RYK: variants seen among roughly 807,000 people sequenced by gnomAD.
The protein encoded by RYK is receptor like tyrosine kinase, also known as inactive tyrosine-protein kinase RYK.
A neutral mutation model predicts 70.2 loss-of-function variants in RYK; 21 were observed. The observed-to-expected ratio is 0.30, with a 90% CI of 0.21 to 0.43. The LOEUF (loss-of-function observed/expected upper bound fraction) is 0.43. RYK is among the 20% of genes least tolerant of loss of function. RYK has a pLI of 1.00. For synonymous variants in RYK, 267 were observed against 278.0 expected, an observed-to-expected ratio of 0.96 and a Z score of 0.39; for missense variants, 604 against 753.3, an observed-to-expected ratio of 0.80 and a Z score of 2.32.
At chr3:134,206,073 A>C (rs2014203899) in intron 5 of RYK, among the ~76,000 whole-genome samples, 1 of 152,210 alleles carries the variant, frequency 6.6e-6, no homozygotes, top group Non-Finnish European at 1.5e-5. Flanking sequence ...TTTAAAAGTA[A>C]ACTTTGGCAA....
chr3:134,184,034 C>A (rs2013384837), intron 9 of RYK, among the ~76,000 whole-genome samples: 1 of 152,082 alleles, frequency 6.6e-6, no homozygotes, highest in South Asian at 2.1e-4. Context: ...ACTTCCTAAC[C>A]TAACAAACAT....
chr3:134,180,883 A>G (rs556146001), intron 10 of RYK: 1 of 152,348 alleles, frequency 6.6e-6, no homozygotes, highest in South Asian at 2.1e-4. Flanking sequence ...AATGCTCAGT[A>G]TCAAATAACC....
intron 2 of RYK, among the ~76,000 whole-genome samples, chr3:134,222,140 G>A (rs533877264): frequency 1.3e-5 from 2 of 152,294 alleles, no homozygotes; most frequent in East Asian, 3.9e-4. Context: ...CCCTTTTCAA[G>A]CTAGGTCTGG....
intron 1 of RYK, among the ~76,000 whole-genome samples, chr3:134,240,061 T>C (rs934340141): frequency 6.6e-6 from 1 of 152,232 alleles, no homozygotes; most frequent in Non-Finnish European, 1.5e-5. Flanking sequence ...AGTCTCTACA[T>C]ATACATTTAC....
intron 1 of RYK, among the ~76,000 whole-genome samples, chr3:134,233,743 G>A (rs1022849962): frequency 1.3e-5 from 2 of 152,104 alleles, no homozygotes; most frequent in Non-Finnish European, 2.9e-5. Context: ...AGGTTTTAAT[G>A]ACCAAATAAG....
intron 10 of RYK, chr3:134,180,049 A>G (rs2013243106): frequency 6.6e-6 from 1 of 152,152 alleles, no homozygotes; most frequent in South Asian, 2.1e-4. Flanking sequence ...AGGAGATGCT[A>G]TAGTGAAGAA....
chr3:134,206,522 A>G (rs1231443660), intron 5 of RYK, among the ~76,000 whole-genome samples: 1 of 152,202 alleles, frequency 6.6e-6, no homozygotes, highest in Non-Finnish European at 1.5e-5. Flanking sequence ...GGAAAAAAAG[A>G]CATTTTAAAG....
intron 9 of RYK, among the ~76,000 whole-genome samples, chr3:134,184,512 C>T (rs2013400128): frequency 6.6e-6 from 1 of 152,086 alleles, no homozygotes. Context: ...TGTAATACCA[C>T]CACTTTGGGA....
chr3:134,227,394 T>C (rs949709163), intron 1 of RYK, among the ~76,000 whole-genome samples: 2 of 152,144 alleles, frequency 1.3e-5, no homozygotes, highest in African/African-American at 2.4e-5. Flanking sequence ...AAAATCTCAA[T>C]AGATTTTTTT....
intron 1 of RYK, among the ~76,000 whole-genome samples, chr3:134,240,665 T>C (rs1047677126): frequency 1.3e-5 from 2 of 152,224 alleles, no homozygotes; most frequent in African/African-American, 4.8e-5. Flanking sequence ...ATACCAGTTT[T>C]TGTGACACTC....
chr3:134,160,185 T>C (rs1464021433), intron 13 of RYK, among the ~76,000 whole-genome samples: 1 of 152,212 alleles, frequency 6.6e-6, no homozygotes, highest in Non-Finnish European at 1.5e-5. Context: ...TATGAGTACC[T>C]ACAAATTCAA....
chr3:134,195,701 C>T (rs951556046), intron 6 of RYK, among the ~76,000 whole-genome samples: 1 of 152,204 alleles, frequency 6.6e-6, no homozygotes, highest in African/African-American at 2.4e-5. Flanking sequence ...AATCCCAACA[C>T]TTTGGGAGGC....
At chr3:134,211,301 G>A (rs1213873904) in intron 3 of RYK, among the ~76,000 whole-genome samples, 1 of 152,130 alleles carries the variant, frequency 6.6e-6, no homozygotes, top group African/African-American at 2.4e-5. Context: ...CAGGGAGGGC[G>A]GAGCACAGAG....
In RYK at chr3:134,191,923, A is replaced by G. The variant is rs372101827; in HGVS notation, c.941T>C (p.Leu314Ser). The part of the protein sequence containing the change: ...EKNDLRSVTL[L>S]EAKGKVKDIA... ...ATCCTTCACCTTGCCTTTGGCCTCC[A>G]AAAGAGTGACACTTCTCAAGTCGTT... Residue 314 changes from leucine to serine, a missense_variant, in exon 8 of 15, where the codon TTG (leucine) becomes TCG (serine). By Grantham distance (145) the Leu-to-Ser change is moderately radical. Around this residue, in one of 2 missense-constraint regions of RYK, gnomAD observed 466 missense variants for 535.9 expected, o/e 0.87. Coordinates refer to ENST00000623711, the MANE Select transcript of RYK (RefSeq NM_002958.4). 2.1e-4 allele frequency: 338 copies of G among 1,613,482 alleles called. 2 individuals are homozygous for G. The African/African-American group carries it at 4.1e-3, about 20-fold the overall frequency.
chr3:134,229,380 G>GAAA (rs1223251342), intron 1 of RYK, among the ~76,000 whole-genome samples: 8 of 129,468 alleles, frequency 6.2e-5, no homozygotes, highest in South Asian at 4.7e-4. Context: ...CTTTGGGCTG[G>GAAA]AAAAAAAAAA....
At chr3:134,221,461 C>A (rs1324028692) in intron 2 of RYK, among the ~76,000 whole-genome samples, 1 of 151,918 alleles carries the variant, frequency 6.6e-6, no homozygotes, top group Non-Finnish European at 1.5e-5. Flanking sequence ...TCTCAATCTC[C>A]CAAAGTGCTG....
intron 5 of RYK, among the ~76,000 whole-genome samples, chr3:134,206,859 C>G (rs1272083928): frequency 6.6e-6 from 1 of 151,780 alleles, no homozygotes; most frequent in African/African-American, 2.4e-5. Flanking sequence ...CTTTTATATA[C>G]TTGAAGTTTT....
At chr3:134,198,411 T>G (rs984783605) in intron 6 of RYK, among the ~76,000 whole-genome samples, 5 of 152,222 alleles carry the variant, frequency 3.3e-5, no homozygotes, top group Non-Finnish European at 7.3e-5. Context: ...CTGTACTGGG[T>G]GCTAGAGATA....
intron 6 of RYK, among the ~76,000 whole-genome samples, chr3:134,201,174 T>C (rs1229121500): frequency 6.6e-6 from 1 of 152,244 alleles, no homozygotes; most frequent in African/African-American, 2.4e-5. Flanking sequence ...CTGTAAAATC[T>C]AAACCTAACT....
Sources: gnomAD v4.1 joint callset for allele counts (sites outside exome capture counted in the v4.1 genomes callset) on GRCh38, gnomAD v4.1.1 for gene constraint, gnomAD v4.1.1 regional missense constraint, MANE v1.5 for transcripts, NCBI Gene and HGNC (gene_info 2026-07-23, HGNC 2026-07-21) for gene names.